Variants in WDPCP observed in about 807,000 individuals in gnomAD.
WDPCP encodes WD repeat-containing and planar cell polarity effector protein fritz homolog.
A neutral mutation model predicts 93.1 loss-of-function variants in WDPCP; 71 were observed. The observed-to-expected ratio is 0.76, with a 90% CI of 0.63 to 0.93. WDPCP has a LOEUF of 0.93. Ranked by LOEUF, WDPCP falls within the 40% of genes least tolerant of loss-of-function variation. The probability of loss-of-function intolerance (pLI) is 0.00; values close to 1 mark genes in which losing one functional copy is unlikely to be tolerated. For missense variants in WDPCP, 844 were observed against 887.4 expected, an observed-to-expected ratio of 0.95 and a Z score of 0.62; for synonymous variants, 315 against 315.0, an observed-to-expected ratio of 1.00 and a Z score of 0.00.
intron 14 of WDPCP, among the ~76,000 whole-genome samples, chr2:63,222,098 C>T (rs528211833): frequency 2.0e-5 from 3 of 152,108 alleles, no homozygotes; most frequent in Non-Finnish European, 4.4e-5. Context: ...TCACCTGTGC[C>T]TGGACAGAGA....
intron 14 of WDPCP, among the ~76,000 whole-genome samples, chr2:63,208,542 T>C (rs994503932): frequency 5.3e-5 from 8 of 152,206 alleles, no homozygotes; most frequent in Non-Finnish European, 1.2e-4. Context: ...TTATTTTGAT[T>C]TGTTAGTCTT....
At chr2:63,451,740 T>C (rs1420528146) in intron 6 of WDPCP, among the ~76,000 whole-genome samples, 1 of 152,150 alleles carries the variant, frequency 6.6e-6, no homozygotes, top group Non-Finnish European at 1.5e-5. Flanking sequence ...AAAAACCTTA[T>C]CCACCATGAT....
intron 15 of WDPCP, among the ~76,000 whole-genome samples, chr2:63,158,940 C>A (rs1399347420): frequency 7.3e-6 from 1 of 136,874 alleles, no homozygotes; most frequent in East Asian, 2.1e-4. Flanking sequence ...AGTTCGAGAC[C>A]AGCCTGGGTA....
intron 10 of WDPCP, among the ~76,000 whole-genome samples, chr2:63,392,372 T>C (rs543959314): frequency 2.6e-5 from 4 of 152,328 alleles, no homozygotes; most frequent in South Asian, 2.1e-4. Context: ...TTACACCTTA[T>C]ACAAAAGTTA....
Position 63,804,283 on chromosome 2 carries a change from C to T in WDPCP, n.308+9339G>A, listed in dbSNP as rs188835086. On this transcript the variant is annotated intron_variant and non_coding_transcript_variant, in intron 2 of 4. Coordinates refer to the WDPCP transcript ENST00000467687. The stretch of plus-strand genomic sequence containing the variant: ...TTTTTTTTTTTGAGGCAGAGTCTCG[C>T]TCTGTCGCCCAGGCTGGAGTGCAGT... Among the ~76,000 whole-genome samples, 607 of 150,444 alleles carry T rather than the reference C, an allele frequency of 4.0e-3. 3 individuals carry two copies. The highest frequency in any genetic ancestry group is 7.9e-3 in the Admixed American group (119 of 15,120).
intron 2 of WDPCP, among the ~76,000 whole-genome samples, chr2:63,810,299 G>A (rs1352387252): frequency 6.6e-6 from 1 of 152,164 alleles, no homozygotes; most frequent in Non-Finnish European, 1.5e-5. Flanking sequence ...CCTCTGTCCT[G>A]CTGTGTTGAC....
At chr2:63,269,730 C>T (rs1682465590) in intron 13 of WDPCP, among the ~76,000 whole-genome samples, 1 of 152,136 alleles carries the variant, frequency 6.6e-6, no homozygotes, top group Non-Finnish European at 1.5e-5. Flanking sequence ...CATGCAACAG[C>T]TTATACATAT....
chr2:63,652,392 C>A (rs532286902), intron 2 of WDPCP, among the ~76,000 whole-genome samples: 2 of 152,186 alleles, frequency 1.3e-5, no homozygotes, highest in African/African-American at 2.4e-5. Context: ...AACAGGAAAG[C>A]CCTCAGCTGA....
At chr2:63,641,661 T>C (rs942363980) in intron 3 of WDPCP, among the ~76,000 whole-genome samples, 5 of 152,118 alleles carry the variant, frequency 3.3e-5, no homozygotes, top group Admixed American at 6.5e-5. Flanking sequence ...CCCTATAGAG[T>C]TGTTTGAGCT....
At chr2:63,356,464 A>T (rs1052928228) in intron 12 of WDPCP, among the ~76,000 whole-genome samples, 2 of 152,236 alleles carry the variant, frequency 1.3e-5, no homozygotes, top group South Asian at 2.1e-4. Context: ...ACCCCAAAAC[A>T]ACAGAATATA....
At chr2:63,697,372 A>G (rs578238197) in intron 2 of WDPCP, among the ~76,000 whole-genome samples, 1 of 152,350 alleles carries the variant, frequency 6.6e-6, no homozygotes, top group Admixed American at 6.5e-5. Context: ...TCAAATTCAG[A>G]TAGATCCAGA....
At chr2:63,809,185 G>GC (rs1482227124) in intron 2 of WDPCP, among the ~76,000 whole-genome samples, 1 of 150,570 alleles carries the variant, frequency 6.6e-6, no homozygotes, top group African/African-American at 2.4e-5. Context: ...TCTCCGCCCG[G>GC]CAGCCGCCCC....
the WDPCP span, among the ~76,000 whole-genome samples, chr2:63,840,555 G>A: frequency 2.0e-5 from 3 of 152,266 alleles, no homozygotes; most frequent in East Asian, 5.8e-4. Context: ...ACTCCCTAAC[G>A]CATCCTCACC....
chr2:63,188,916 A>G (rs574729487), intron 14 of WDPCP, among the ~76,000 whole-genome samples: 17 of 152,084 alleles, frequency 1.1e-4, no homozygotes, highest in Admixed American at 2.0e-4. Flanking sequence ...ACCTTTCTCA[A>G]TCTTTATGAA....
At chr2:63,787,058 T>A (rs1179479220) in intron 2 of WDPCP, among the ~76,000 whole-genome samples, 2 of 152,174 alleles carry the variant, frequency 1.3e-5, no homozygotes, top group East Asian at 1.9e-4. Context: ...CCCTCTCCTA[T>A]GAGTAAATCT....
intron 3 of WDPCP, among the ~76,000 whole-genome samples, chr2:63,642,140 ATGTCTGTTTT>A (rs1203905009): frequency 2.0e-5 from 3 of 151,994 alleles, no homozygotes; most frequent in Non-Finnish European, 4.4e-5. Flanking sequence ...ACTGGTTTAT[ATGTCTGTTTT>A]TATGCCAGTC....
In WDPCP at chr2:63,238,431, C is replaced by G. The variant is rs368419275; in HGVS notation, c.1915+20876G>C. ...TTAAATTAAAAAATTGATATTCTATCTAGTAATTGTGAAATTTTAAAGAAT... is the reference window on the plus strand; with the variant it reads ...TTAAATTAAAAAATTGATATTCTATGTAGTAATTGTGAAATTTTAAAGAAT... On this transcript the variant is annotated intron_variant, in intron 14 of 17. Coordinates refer to ENST00000272321, the MANE Select transcript of WDPCP (RefSeq NM_015910.7). 5.3e-5 allele frequency among the ~76,000 whole-genome samples: 8 copies of G among 152,078 alleles called. No individual in the cohort carries two copies. In the East Asian group the frequency reaches 1.2e-3, roughly 22 times the overall value.
At chr2:63,160,164 T>G (rs1012911223) in intron 15 of WDPCP, among the ~76,000 whole-genome samples, 1 of 152,182 alleles carries the variant, frequency 6.6e-6, no homozygotes, top group Non-Finnish European at 1.5e-5. Context: ...GATTTTTAGC[T>G]GCATTCAATG....
rs188004226 is a variant in WDPCP at position 63,482,620 on chromosome 2, A to C, written c.384+1984T>G. Among the ~76,000 whole-genome samples, 331 of 152,132 alleles carry C rather than the reference A, an allele frequency of 2.2e-3. 2 individuals carry two copies. The Middle Eastern group carries it at 0.031, about 14-fold the overall frequency. Reference sequence around the variant, plus strand: ...AAATAGAACCTACATAGATTTTTAGAAGAACTAGCTAACAGTCTTAACTAG... The same window carrying C: ...AAATAGAACCTACATAGATTTTTAGCAGAACTAGCTAACAGTCTTAACTAG... On this transcript the variant is annotated intron_variant, in intron 6 of 17. Transcript: ENST00000272321.
Sources: allele counts gnomAD v4.1 joint callset (sites outside exome capture counted in the v4.1 genomes callset), GRCh38; gene constraint gnomAD v4.1.1; transcripts MANE v1.5; gene names NCBI Gene and HGNC (gene_info 2026-07-23, HGNC 2026-07-21).